ZNF566: variants seen among roughly 807,000 people sequenced by gnomAD.
ZNF566 encodes zinc finger protein 566.
A neutral mutation model predicts 32.8 loss-of-function variants in ZNF566; 27 were observed. The ratio of observed to expected loss-of-function variants is 0.82; its 90% CI spans 0.61 to 1.14. ZNF566 has a LOEUF of 1.14. ZNF566 is among the 50% of genes most tolerant of loss of function. The pLI is 0.00. For synonymous variants in ZNF566, 154 were observed against 159.5 expected (o/e 0.97, Z 0.26); for missense variants, 402 against 490.4 (o/e 0.82, Z 1.70).
At position 36,449,598 on chromosome 19, in the gene ZNF566, T is replaced by G; in HGVS notation, c.636A>C (p.Ser212=). 2.5e-6 allele frequency: 4 copies of G among 1,614,200 alleles called. No homozygotes were observed. The highest frequency in any genetic ancestry group is 2.5e-6 in the Non-Finnish European group (3 of 1,180,034). The change falls in exon 5 of 5, where the codon TCA becomes TCC. Residue 212 remains serine, a synonymous_variant. Coordinates refer to ENST00000452939, the MANE Select transcript of ZNF566 (RefSeq NM_001145344.1). The part of the protein sequence containing the change: ...KECGKSFRHP[S]RLTHHQKIHT... ...GAATTTTCTGATGATGAGTGAGTCT[T>G]GAGGGATGTCTAAAGGACTTTCCAC... is the stretch of plus-strand genomic sequence containing the variant.
At chr19:36,477,957 T>G (rs71356003) in intron 1 of ZNF566, among the ~76,000 whole-genome samples, 14,256 of 152,140 alleles carry the variant, frequency 0.094, 700 homozygotes, top group African/African-American at 0.14. Flanking sequence ...TTTAAGAAAA[T>G]TTTGGTGTTT....
rs1158236286 is a variant in ZNF566 at position 36,473,301 on chromosome 19, AATCTAAATTACTATGG to A, written c.136+15_136+30del. The A allele has an allele frequency of 6.2e-7, 1 of 1,612,948 alleles. No individual in the cohort carries two copies. Among genetic ancestry groups the A allele is most frequent in the South Asian group, 1.1e-5 (1 of 90,760 alleles). On this transcript the variant is annotated intron_variant, in intron 3 of 4. Coordinates refer to ENST00000452939, the MANE Select transcript of ZNF566 (RefSeq NM_001145344.1). ...GAGGAAGTAGGCCTTCCAAGGGCAG[AATCTAAATTACTATGG>A]ACAGATGTCCTTACCCATTGAAACC...
At chr19:36,473,558 T>C in intron 2 of ZNF566, 100 bp from the exon 3 acceptor site, 8 of 1,132,484 alleles carry the variant, frequency 7.1e-6, no homozygotes, top group Non-Finnish European at 9.9e-6. Context: ...AAGTAAAATA[T>C]AGTGAGCATA....
chr19:36,460,514 T>C (rs1033685401), intron 4 of ZNF566, among the ~76,000 whole-genome samples: 3 of 148,342 alleles, frequency 2.0e-5, no homozygotes, highest in African/African-American at 5.0e-5. Flanking sequence ...CTAATATGAA[T>C]AGCAGCGAAA....
chr19:36,453,084 C>T (rs1290667433), intron 4 of ZNF566, among the ~76,000 whole-genome samples: 2 of 150,746 alleles, frequency 1.3e-5, no homozygotes, highest in Non-Finnish European at 2.9e-5. Context: ...TGCCACTGTA[C>T]TCCAGCCTGG....
chr19:36,463,141 C>A (rs1411852290), intron 4 of ZNF566, among the ~76,000 whole-genome samples: 1 of 151,268 alleles, frequency 6.6e-6, no homozygotes, highest in Non-Finnish European at 1.5e-5. Flanking sequence ...TGGTTTCTAC[C>A]AAAATTTTAA....
At chr19:36,466,025 G>A (rs969666938) in intron 4 of ZNF566, among the ~76,000 whole-genome samples, 5 of 151,582 alleles carry the variant, frequency 3.3e-5, no homozygotes, top group African/African-American at 1.2e-4. Context: ...AATATTTGAA[G>A]AGATGACTAC....
chr19:36,480,371 G>A (rs1246839884), intron 1 of ZNF566, among the ~76,000 whole-genome samples: 20 of 147,256 alleles, frequency 1.4e-4, no homozygotes, highest in Admixed American at 1.2e-3. Context: ...TGTAACCTCT[G>A]CCTCCCAGGT....
At chr19:36,461,990 GT>G (rs34181356) in intron 4 of ZNF566, among the ~76,000 whole-genome samples, 121 of 138,582 alleles carry the variant, frequency 8.7e-4, no homozygotes, top group South Asian at 3.2e-3. Context: ...TGAACTTTGG[GT>G]TTTTTTTTTT....
chr19:36,466,081 T>C (rs1366711572), intron 4 of ZNF566, among the ~76,000 whole-genome samples: 4 of 151,432 alleles, frequency 2.6e-5, no homozygotes, highest in African/African-American at 7.3e-5. Context: ...AGTCCTCAGA[T>C]TGAAAAATAC....
At chr19:36,454,682 T>C (rs1568511775) in intron 4 of ZNF566, among the ~76,000 whole-genome samples, 1 of 152,012 alleles carries the variant, frequency 6.6e-6, no homozygotes, top group Non-Finnish European at 1.5e-5. Context: ...ACCTGAATCA[T>C]GAAGAAAGAG....
rs760708913 is a variant in ZNF566 at position 36,472,954 on chromosome 19, C to T, written c.189G>A (p.Glu63=). 1.2e-6 allele frequency: 2 copies of T among 1,614,066 alleles called. No individual in the cohort carries two copies. Among genetic ancestry groups the T allele is most frequent in the Admixed American group, 3.3e-5 (2 of 60,006 alleles). The change falls in exon 4 of 5, where the codon GAG becomes GAA. Residue 63 remains glutamate, a synonymous_variant. Coordinates refer to ENST00000452939, the MANE Select transcript of ZNF566 (RefSeq NM_001145344.1). ...TTAGCTCTCTGTCAGCCAACCAGGG[C>T]TCCTTCCCTTGCTCCAAGTAGGAGA... ...NVISYLEQGK[E]PWLADRELTR...
At chr19:36,477,408 A>G (rs1170321126) in intron 1 of ZNF566, among the ~76,000 whole-genome samples, 2 of 152,034 alleles carry the variant, frequency 1.3e-5, no homozygotes, top group Non-Finnish European at 2.9e-5. Flanking sequence ...ATCCTTGTGC[A>G]TATGTCATTT....
Position 36,449,454 on chromosome 19 carries a change from A to G in ZNF566, c.780T>C (p.Cys260=). 6.2e-7 allele frequency: 1 copy of G among 1,614,084 alleles called. No homozygotes were observed. The change falls in exon 5 of 5, where the codon TGT becomes TGC. Residue 260 remains cysteine (C), a synonymous_variant. Transcript: ENST00000452939. The part of the protein sequence containing the change: ...TGEKPYECKE[C]GKAFSSGSNF... ...TTGAACCACTACTAAAGGCTTTCCCACATTCCTTACATTCATAGGGTTTCT... is the reference window on the plus strand; with the variant it reads ...TTGAACCACTACTAAAGGCTTTCCCGCATTCCTTACATTCATAGGGTTTCT...
intron 4 of ZNF566, among the ~76,000 whole-genome samples, chr19:36,467,652 T>G (rs1273541866): frequency 1.4e-5 from 2 of 147,684 alleles, no homozygotes; most frequent in South Asian, 2.1e-4. Context: ...TTAGCTGGGC[T>G]TGGTGGCACG....
rs560803094 is a variant in ZNF566, at chr19:36,467,790, C to CAA, written c.232+5119_232+5120dup. Among the ~76,000 whole-genome samples the CAA allele has an allele frequency of 1.7e-3, 146 of 85,878 alleles. 4 individuals are homozygous for CAA. Among genetic ancestry groups the CAA allele is most frequent in the Non-Finnish European group, 2.1e-3 (99 of 46,860 alleles). The allele number at this position is 85,878 out of a possible 152,430, so 56.3% of individuals were successfully genotyped here. On this transcript the variant is annotated intron_variant, in intron 4 of 4. Coordinates refer to ENST00000452939, the MANE Select transcript of ZNF566 (RefSeq NM_001145344.1). ...TGGGTGACAGAGCGAGACTCCATCT[C>CAA]AAAAAAAAAAAAAAAAAAAAAAAAA...
At chr19:36,465,420 A>G (rs1054565221) in intron 4 of ZNF566, among the ~76,000 whole-genome samples, 3 of 152,158 alleles carry the variant, frequency 2.0e-5, no homozygotes, top group African/African-American at 4.8e-5. Context: ...AGATGTAAAT[A>G]TTATTGTCAT....
At chr19:36,482,661 G>A (rs2034065952) in intron 1 of ZNF566, among the ~76,000 whole-genome samples, 2 of 152,120 alleles carry the variant, frequency 1.3e-5, no homozygotes, top group Non-Finnish European at 2.9e-5. Flanking sequence ...ACAGGTCCAG[G>A]TTGGCAACTC....
At position 36,464,090 on chromosome 19, in the gene ZNF566, A is replaced by G. The variant is rs566183762; in HGVS notation, c.232+8821T>C. ...TAAATAAAACATAAAGTAATTTTTA[A>G]TACTATATGAAAGATCAAAGAGATA... On this transcript the variant is annotated intron_variant, in intron 4 of 4. Transcript: ENST00000452939. Among the ~76,000 whole-genome samples the G allele has an allele frequency of 8.5e-5, 13 of 152,300 alleles. No individual in the cohort carries two copies. In the East Asian group the frequency reaches 2.3e-3, roughly 27 times the overall value.
Sources: gnomAD v4.1 joint callset for allele counts (sites outside exome capture counted in the v4.1 genomes callset) on GRCh38, gnomAD v4.1.1 for gene constraint, MANE v1.5 for transcripts, NCBI Gene and HGNC (gene_info 2026-07-23, HGNC 2026-07-21) for gene names.